DNM3: variants seen among roughly 807,000 people sequenced by gnomAD.
DNM3 encodes dynamin-3.
A neutral mutation model predicts 101.6 loss-of-function variants in DNM3; 47 were observed. The ratio of observed to expected loss-of-function variants is 0.46; its 90% confidence interval spans 0.37 to 0.59. The LOEUF is 0.59. DNM3 is among the 20% of genes least tolerant of loss of function. The probability of loss-of-function intolerance (pLI) is 0.00; values close to 1 mark genes in which losing one functional copy is unlikely to be tolerated. For synonymous variants in DNM3, 385 were observed against 387.9 expected, an observed-to-expected ratio of 0.99 and a Z score of 0.09; for missense variants, 849 against 1,085.7, an observed-to-expected ratio of 0.78 and a Z score of 3.06.
At chr1:172,243,852 A>G (rs1029156729) in intron 14 of DNM3, among the ~76,000 whole-genome samples, 3 of 152,162 alleles carry the variant, frequency 2.0e-5, no homozygotes, top group Non-Finnish European at 4.4e-5. Flanking sequence ...GTACATCTCT[A>G]TAGTTATAAC....
chr1:172,054,893 C>T (rs6425600), intron 10 of DNM3, among the ~76,000 whole-genome samples: 52,537 of 151,654 alleles, frequency 0.35, 10,008 homozygotes, highest in East Asian at 0.69. Context: ...TGGGAAGCGG[C>T]GGTTGCAGTG....
chr1:172,137,278 G>A (rs1475587528), intron 14 of DNM3: 3 of 152,108 alleles, frequency 2.0e-5, no homozygotes, highest in African/African-American at 7.2e-5. Context: ...TCTACATTTT[G>A]TAAGTATTGT....
intron 13 of DNM3, among the ~76,000 whole-genome samples, chr1:172,101,126 C>A (rs1005631959): frequency 6.6e-6 from 1 of 152,110 alleles, no homozygotes; most frequent in Non-Finnish European, 1.5e-5. Flanking sequence ...AAAGGATAGA[C>A]GCTGGAGAAG....
chr1:172,397,376 C>T (rs2070095731), intron 20 of DNM3: 1 of 152,558 alleles, frequency 6.6e-6, no homozygotes, highest in South Asian at 2.1e-4. Context: ...AAAATAAAAT[C>T]TGTGCTCTGC....
chr1:172,097,871 G>T (rs368956130), intron 13 of DNM3, among the ~76,000 whole-genome samples: 29 of 152,216 alleles, frequency 1.9e-4, no homozygotes, highest in African/African-American at 7.0e-4. Context: ...GTGTTGGCAG[G>T]TTCTGTGATG....
In DNM3 at chr1:172,409,022, A is replaced by G. The variant is rs1337644657; in HGVS notation, c.*1181A>G. 2.0e-6 allele frequency: 2 copies of G among 985,226 alleles called. No individual in the cohort carries two copies. The highest frequency in any genetic ancestry group is 6.2e-5 in the Admixed American group (1 of 16,242). The allele number at this position is 985,226 out of a possible 1,614,324, so 61.0% of individuals were successfully genotyped here. ...AAAGGGTATTGAAACGTTGAAATCTAAAGCAAATTTGCAATTTCTTAAGAT... is the reference window on the plus strand; with the variant it reads ...AAAGGGTATTGAAACGTTGAAATCTGAAGCAAATTTGCAATTTCTTAAGAT... On this transcript the variant is annotated 3_prime_UTR_variant, in exon 21 of 21. Transcript: ENST00000627582.
At chr1:172,008,223 G>A (rs1299190807) in intron 4 of DNM3, among the ~76,000 whole-genome samples, 7 of 151,570 alleles carry the variant, frequency 4.6e-5, no homozygotes, top group Non-Finnish European at 7.4e-5. Flanking sequence ...TCATTTGTCT[G>A]TTTTTGCTTT....
intron 13 of DNM3, among the ~76,000 whole-genome samples, chr1:172,120,703 C>T (rs2056251034): frequency 6.6e-6 from 1 of 152,156 alleles, no homozygotes; most frequent in East Asian, 1.9e-4. Context: ...TTTCTTATAC[C>T]CGGTGCAGGT....
chr1:172,034,273 CTA>C (rs1038065211), intron 6 of DNM3, among the ~76,000 whole-genome samples: 13 of 152,088 alleles, frequency 8.5e-5, no homozygotes, highest in Admixed American at 7.9e-4. Context: ...GGAAACATCA[CTA>C]TGATTGTATC....
At chr1:172,415,531 T>TG, downstream of DNM3, among the ~76,000 whole-genome samples, 2 of 111,822 alleles carry the variant, frequency 1.8e-5, no homozygotes, top group Non-Finnish European at 3.9e-5. Flanking sequence ...TGAGTTTTTT[T>TG]TTTTTTTTTT....
In DNM3 at chr1:171,841,567, A is replaced by C. The variant is rs978500490; in HGVS notation, c.-90A>C. 1.4e-6 allele frequency: 2 copies of C among 1,457,652 alleles called. No individual in the cohort carries two copies. Among genetic ancestry groups the C allele is most frequent in the Non-Finnish European group, 1.8e-6 (2 of 1,096,422 alleles). The allele number at this position is 1,457,652 out of a possible 1,614,324, so 90.3% of individuals were successfully genotyped here. A position where few individuals can be genotyped will look rare whatever the true frequency, so the allele number is the denominator to read the frequency against. Reference sequence around the variant, plus strand: ...GGACCTGGCTGGCTGAGCCCGGCGCAGCAGCAGCAGCCAGGGCAGCGCGGC... The same window carrying C: ...GGACCTGGCTGGCTGAGCCCGGCGCCGCAGCAGCAGCCAGGGCAGCGCGGC... On this transcript the variant is annotated 5_prime_UTR_variant, in exon 1 of 21. Transcript: ENST00000627582.
rs1159983935 is a variant in DNM3 at position 172,408,478 on chromosome 1, G to C, written c.*637G>C. On this transcript the variant is annotated 3_prime_UTR_variant, in exon 21 of 21. Transcript: ENST00000627582. ...GCTTCTCCTCATTCCAATGTGTTTT[G>C]CTTCATGCTAGAAGCATATGCAACA... is the stretch of plus-strand genomic sequence containing the variant. 1.0e-6 allele frequency: 1 copy of C among 985,182 alleles called. No individual in the cohort carries two copies. Among genetic ancestry groups the C allele is most frequent in the East Asian group, 1.1e-4 (1 of 8,824 alleles). The allele number at this position is 985,182 out of a possible 1,614,324, so 61.0% of individuals were successfully genotyped here.
Position 172,340,017 on chromosome 1 carries a change from A to G in DNM3, c.1893+16677A>G, listed in dbSNP as rs570312669. 3.3e-5 allele frequency among the ~76,000 whole-genome samples: 5 copies of G among 152,266 alleles called. No homozygotes were observed. In the South Asian group the frequency reaches 1.0e-3, roughly 32 times the overall value. On this transcript the variant is annotated intron_variant, in intron 17 of 20. Transcript: ENST00000627582. ...GTATACTTCATCCAGTGCCATCAAG[A>G]AGCTATGAAAGGTCAGAGTGGTGTT...
chr1:172,110,905 A>G (rs1022456699), intron 13 of DNM3, among the ~76,000 whole-genome samples: 2 of 152,198 alleles, frequency 1.3e-5, no homozygotes, highest in Non-Finnish European at 2.9e-5. Flanking sequence ...ACAAGGTGGC[A>G]TGCGCCTTTA....
intron 2 of DNM3, among the ~76,000 whole-genome samples, chr1:171,938,932 C>T (rs2125402198): frequency 6.6e-6 from 1 of 152,228 alleles, no homozygotes; most frequent in South Asian, 2.1e-4. Flanking sequence ...ATTTGCATAG[C>T]TTAATAGATT....
chr1:172,280,300 C>A (rs1283072049), intron 15 of DNM3, among the ~76,000 whole-genome samples: 1 of 152,106 alleles, frequency 6.6e-6, no homozygotes. Flanking sequence ...ACACTTATTA[C>A]TTTTTGATAT....
intron 14 of DNM3, among the ~76,000 whole-genome samples, chr1:172,188,908 G>C (rs2059612695): frequency 6.6e-6 from 1 of 151,926 alleles, no homozygotes; most frequent in African/African-American, 2.4e-5. Flanking sequence ...TTGTGATTTT[G>C]ATGTTATACC....
intron 14 of DNM3, among the ~76,000 whole-genome samples, chr1:172,195,550 C>G (rs1056965752): frequency 2.6e-5 from 4 of 151,750 alleles, no homozygotes; most frequent in Non-Finnish European, 4.4e-5. Context: ...ATGATGTTAG[C>G]TCTATAGTTT....
intron 7 of DNM3, among the ~76,000 whole-genome samples, chr1:172,040,366 A>G (rs1317003005): frequency 6.6e-6 from 1 of 152,196 alleles, no homozygotes; most frequent in African/African-American, 2.4e-5. Context: ...ATGAAAAGAT[A>G]CAAGTTTTAG....
Sources: allele counts gnomAD v4.1 joint callset (sites outside exome capture counted in the v4.1 genomes callset), GRCh38; gene constraint gnomAD v4.1.1; transcripts MANE v1.5; gene names NCBI Gene and HGNC (gene_info 2026-07-23, HGNC 2026-07-21).